The following TMC4 variants were observed in gnomAD, a reference collection of about 807,000 sequenced individuals.
TMC4 encodes the protein transmembrane channel like 4, also known as voltage-gated chloride channel TMC4.
In TMC4, 70 loss-of-function variants were observed where a neutral mutation model predicts 82.0. The ratio of observed to expected loss-of-function variants is 0.85; its 90% CI spans 0.70 to 1.04. The LOEUF is 1.04. Among genes scored for constraint, TMC4 ranks in the 50% least tolerant of loss-of-function variants. The pLI, the probability that TMC4 is intolerant of heterozygous loss-of-function variation, is 0.00. For missense variants in TMC4, 879 were observed against 899.0 expected, an observed-to-expected ratio of 0.98 and a Z score of 0.28; for synonymous variants, 446 against 406.0, an observed-to-expected ratio of 1.10 and a Z score of -1.18.
At chr19:54,162,353 G>T in intron 10 of TMC4, 68 bp from the exon 11 acceptor site, 1 of 816,160 alleles carries the variant, frequency 1.2e-6, no homozygotes, top group East Asian at 3.2e-5. Flanking sequence ...CGCCTCCACC[G>T]CCCCGCCCGC....
At chr19:54,162,933 C>T in intron 9 of TMC4, 100 bp downstream of exon 9, 2 of 1,590,454 alleles carry the variant, frequency 1.3e-6, no homozygotes, top group Admixed American at 1.7e-5. Context: ...TTCCAGCACC[C>T]CAAGCTCCCC....
rs2075513777 is a variant in TMC4 at position 54,160,465 on chromosome 19, A to G, written c.2052+2T>C. 1.2e-6 allele frequency: 2 copies of G among 1,613,306 alleles called. No individual in the cohort carries two copies. The highest frequency in any genetic ancestry group is 1.7e-6 in the Non-Finnish European group (2 of 1,179,560). ...GCCCTCTCAGGGACCCGCCTGGCTC[A>G]CCGTCTCTCTCTGACGTTTGAGCTC... On this transcript the variant is annotated splice_donor_variant, in intron 14 of 14. Transcript: ENST00000619895. LOFTEE classifies it high-confidence loss of function.
intron 3 of TMC4, 22 bp downstream of exon 3, chr19:54,169,490 C>T (rs2075830154): frequency 6.2e-7 from 1 of 1,604,222 alleles, no homozygotes. Flanking sequence ...GCCCCCAGGA[C>T]ACCACCCAAA....
At chr19:54,167,796 C>T (rs574658131) in intron 5 of TMC4, among the ~76,000 whole-genome samples, 1 of 151,942 alleles carries the variant, frequency 6.6e-6, no homozygotes, top group South Asian at 2.1e-4. Flanking sequence ...GGCGCGGTGG[C>T]TCACGCCTGT....
intron 10 of TMC4, 35 bp from the exon 11 acceptor site, chr19:54,162,320 G>C (rs757833720): frequency 1.4e-6 from 2 of 1,454,392 alleles, no homozygotes; most frequent in Non-Finnish European, 1.8e-6. Flanking sequence ...CGGAGTCAGG[G>C]GAGTGGCGGC....
At chr19:54,168,828 TTTTCTTTTCTTTTCTTTTC>T (rs2075783826) in intron 3 of TMC4, 148 bp from the exon 4 acceptor site, 1 of 103,460 alleles carries the variant, frequency 9.7e-6, no homozygotes, top group African/African-American at 1.6e-4. Context: ...TTTTCTTTTC[TTTTCTTTTCTTTTCTTTTC>T]TTTTCTTTTC....
At chr19:54,165,674 T>C in intron 5 of TMC4, 108 bp from the exon 6 acceptor site, 1 of 1,332,698 alleles carries the variant, frequency 7.5e-7, no homozygotes, top group South Asian at 1.4e-5. Context: ...CCTAAGGCCT[T>C]GGGTACTAGG....
intron 9 of TMC4, 69 bp from the exon 10 acceptor site, chr19:54,162,839 C>T (rs1238513712): frequency 1.3e-6 from 2 of 1,520,128 alleles, no homozygotes; most frequent in East Asian, 2.3e-5. Context: ...GCGTCCGAGT[C>T]TCCACATCGC....
At chr19:54,165,396 C>A (rs996079266) in intron 6 of TMC4, 23 bp downstream of exon 6, 5 of 1,577,704 alleles carry the variant, frequency 3.2e-6, no homozygotes, top group Non-Finnish European at 4.3e-6. Flanking sequence ...TACCCAGTTG[C>A]AGACCCCGCT....
Position 54,168,648 on chromosome 19 carries a change from A to T in TMC4, c.475T>A (p.Ser159Thr), listed in dbSNP as rs143105109. ...QFGAGTESYF[S>T]LLRFLLLLNV... ...AGAAGGAGCAGGAAGCGCAGCAGGG[A>T]GAAGTAGGACTCCGTGCCGGCGCCA... The change falls in exon 4 of 15, where the codon TCC becomes ACC. Residue 159 changes from serine (S) to threonine (T), a missense_variant. Coordinates refer to ENST00000619895, the MANE Select transcript of TMC4 (RefSeq NM_144686.4). The T allele has an allele frequency of 1.5e-5, 24 of 1,578,924 alleles. No individual in the cohort carries two copies. The African/African-American group carries it at 3.1e-4, about 20-fold the overall frequency.
chr19:54,161,838 G>A (rs1438997350), intron 11 of TMC4, among the ~76,000 whole-genome samples: 18 of 152,092 alleles, frequency 1.2e-4, no homozygotes, highest in Admixed American at 1.2e-3. Context: ...CACTGCACCC[G>A]GCCTACCTGC....
chr19:54,163,625 C>T (rs1167626958), intron 8 of TMC4, 99 bp downstream of exon 8: 4 of 1,394,032 alleles, frequency 2.9e-6, no homozygotes, highest in East Asian at 2.3e-5. Flanking sequence ...TCCCTGGATT[C>T]GGTATCAGCA....
intron 3 of TMC4, 65 bp downstream of exon 3, chr19:54,169,447 C>T: frequency 2.0e-6 from 3 of 1,536,442 alleles, no homozygotes; most frequent in Admixed American, 2.0e-5. Context: ...CGTCCCCAGC[C>T]CCTCCTCCCT....
chr19:54,164,009 C>T, intron 7 of TMC4, 122 bp from the exon 8 acceptor site: 1 of 1,113,704 alleles, frequency 9.0e-7, no homozygotes. Context: ...GAGTCTCGCT[C>T]TGTTACCCAG....
At position 54,168,493 on chromosome 19, in the gene TMC4, G is replaced by A. The variant is rs1370025445; in HGVS notation, c.630C>T (p.Gly210=). Reference sequence around the variant, plus strand: ...AGAGCTGGGTGGCAAAGGTGACCAGGCCCTGGGAGTGGGGGTTATAGGAGC... The same window carrying A: ...AGAGCTGGGTGGCAAAGGTGACCAGACCCTGGGAGTGGGGGTTATAGGAGC... ...PCGSYNPHSQ[G]LVTFATQLFN... is the part of the protein sequence containing the mutation. The change falls in exon 4 of 15, where the codon GGC becomes GGT. Residue 210 remains glycine, a synonymous_variant. Coordinates refer to ENST00000619895, the MANE Select transcript of TMC4 (RefSeq NM_144686.4). 1.9e-6 allele frequency: 3 copies of A among 1,547,508 alleles called. No individual in the cohort carries two copies. Among genetic ancestry groups the A allele is most frequent in the African/African-American group, 2.7e-5 (2 of 72,924 alleles).
At chr19:54,171,731 G>T in intron 2 of TMC4, 139 bp downstream of exon 2, 1 of 698,228 alleles carries the variant, frequency 1.4e-6, no homozygotes, top group Non-Finnish European at 2.2e-6. Flanking sequence ...AAGAAACCAA[G>T]AGAGGCAGCT....
Position 54,168,455 on chromosome 19 carries a change from G to C in TMC4, c.668C>G (p.Ser223Trp). 1 of 1,544,386 alleles carries C rather than the reference G, an allele frequency of 6.5e-7. No homozygotes were observed. The highest frequency in any genetic ancestry group is 8.7e-7 in the Non-Finnish European group (1 of 1,143,996). ...TFATQLFNLL[S>W]GEGYLEWSPL... ...AGGGACCCAGGCACCTACCTCACCC[G>C]AGAGCAAGTTGAAGAGCTGGGTGGC... The change falls in exon 4 of 15, where the codon TCG (serine) becomes TGG (tryptophan). Residue 223 changes from serine to tryptophan, a missense_variant. Ser to Trp is a radical substitution (Grantham distance 177). Coordinates refer to ENST00000619895, the MANE Select transcript of TMC4 (RefSeq NM_144686.4).
chr19:54,172,668 G>C (rs2075936705), intron 1 of TMC4: 1 of 278,026 alleles, frequency 3.6e-6, no homozygotes, highest in Non-Finnish European at 6.6e-6. Context: ...CTGGACCCAG[G>C]GGTCCACAGC....
At position 54,172,087 on chromosome 19, in the gene TMC4, G is replaced by T. The variant is rs375769076; in HGVS notation, c.80-4C>A. On this transcript the variant is annotated splice_polypyrimidine_tract_variant and splice_region_variant and intron_variant, in intron 1 of 14. Coordinates refer to ENST00000619895, the MANE Select transcript of TMC4 (RefSeq NM_144686.4). Reference sequence around the variant, plus strand: ...AGCACAGAAGACAGCGATGGGCCTGGGGAGGAGCAGGGGGCTGGGAAGACC... The same window carrying T: ...AGCACAGAAGACAGCGATGGGCCTGTGGAGGAGCAGGGGGCTGGGAAGACC... The T allele has an allele frequency of 1.7e-5, 27 of 1,564,172 alleles. No individual in the cohort carries two copies. The highest frequency in any genetic ancestry group is 2.1e-5 in the Non-Finnish European group (24 of 1,152,642).
Sources: gnomAD v4.1 joint callset for allele counts (sites outside exome capture counted in the v4.1 genomes callset) on GRCh38, gnomAD v4.1.1 for gene constraint, MANE v1.5 for transcripts, NCBI Gene and HGNC (gene_info 2026-07-23, HGNC 2026-07-21) for gene names.